AGBL1: variants seen among roughly 807,000 people sequenced by gnomAD.
AGBL1 encodes AGBL carboxypeptidase 1, also known as cytosolic carboxypeptidase 4.
In AGBL1, 130 loss-of-function variants were observed where a neutral mutation model predicts 118.9. That is an observed-to-expected ratio of 1.09 (90% confidence interval 0.95 to 1.26). The LOEUF is 1.26. Ranked by LOEUF, AGBL1 falls within the 50% of genes most tolerant of loss-of-function variation. The pLI, the probability that AGBL1 is intolerant of heterozygous loss-of-function variation, is 0.00. For synonymous variants in AGBL1, 555 were observed against 478.9 expected (o/e 1.16, Z -2.08); for missense variants, 1,584 against 1,298.1 (o/e 1.22, Z -3.38).
chr15:86,367,953 T>C (rs1237910086), intron 17 of AGBL1, among the ~76,000 whole-genome samples: 2 of 152,154 alleles, frequency 1.3e-5, no homozygotes, highest in Admixed American at 6.5e-5. Context: ...CTATTTCTGC[T>C]AAAACTAATA....
intron 17 of AGBL1, among the ~76,000 whole-genome samples, chr15:86,339,954 G>C (rs887487638): frequency 6.7e-6 from 1 of 150,230 alleles, no homozygotes; most frequent in Non-Finnish European, 1.5e-5. Context: ...GACAGGGCGG[G>C]ACTCCATCTC....
At chr15:86,602,023 A>G (rs2084502574) in intron 21 of AGBL1, among the ~76,000 whole-genome samples, 1 of 152,026 alleles carries the variant, frequency 6.6e-6, no homozygotes, top group African/African-American at 2.4e-5. Flanking sequence ...CTGTATCTTA[A>G]TTGTTCTCTC....
chr15:86,879,752 C>G (rs1401881812), intron 22 of AGBL1, among the ~76,000 whole-genome samples: 6 of 152,170 alleles, frequency 3.9e-5, no homozygotes, highest in Non-Finnish European at 8.8e-5. Context: ...CGAAACGGCT[C>G]TTTATTTAGC....
At chr15:86,516,499 G>A (rs1227181391) in intron 18 of AGBL1, among the ~76,000 whole-genome samples, 2 of 152,162 alleles carry the variant, frequency 1.3e-5, no homozygotes, top group African/African-American at 4.8e-5. Context: ...CAAGTGTTGT[G>A]TAGAAATGTG....
chr15:86,970,058 A>C (rs2081091543), intron 23 of AGBL1, among the ~76,000 whole-genome samples: 1 of 151,852 alleles, frequency 6.6e-6, no homozygotes, highest in Non-Finnish European at 1.5e-5. Flanking sequence ...AAATAAGACT[A>C]AAAGGTAAAG....
intron 22 of AGBL1, among the ~76,000 whole-genome samples, chr15:86,784,349 G>T (rs1201892349): frequency 1.3e-5 from 2 of 152,158 alleles, no homozygotes; most frequent in Non-Finnish European, 2.9e-5. Flanking sequence ...ATGAAAACAG[G>T]AGACGTGGTT....
chr15:86,267,114 T>C, intron 13 of AGBL1, 38 bp downstream of exon 13: 2 of 1,454,986 alleles, frequency 1.4e-6, no homozygotes, highest in Non-Finnish European at 1.9e-6. Context: ...CTCCTGTCAG[T>C]TCGTAAGAGC....
chr15:86,670,383 C>A (rs57582079), intron 21 of AGBL1, among the ~76,000 whole-genome samples: 1 of 151,218 alleles, frequency 6.6e-6, no homozygotes, highest in Non-Finnish European at 1.5e-5. Flanking sequence ...GCAGGCAGAT[C>A]ACCTGAGGTC....
intron 17 of AGBL1, among the ~76,000 whole-genome samples, chr15:86,373,808 A>G (rs1436036068): frequency 6.6e-6 from 1 of 152,240 alleles, no homozygotes; most frequent in Non-Finnish European, 1.5e-5. Flanking sequence ...CTTGAGCATA[A>G]TTAACATCTG....
rs528459706 is a variant in AGBL1 at position 86,639,805 on chromosome 15, A to T, written c.2995-34468A>T. 1.2e-4 allele frequency among the ~76,000 whole-genome samples: 18 copies of T among 152,330 alleles called. No individual in the cohort carries two copies. The East Asian group carries it at 1.9e-3, about 16-fold the overall frequency. On this transcript the variant is annotated intron_variant, in intron 21 of 22. Transcript: ENST00000614907. ...TCCTTAGCAGGCAAGGAAGGAGGAAAGCCGGGAAACCCATGTATATTAATA... is the reference window on the plus strand; with the variant it reads ...TCCTTAGCAGGCAAGGAAGGAGGAATGCCGGGAAACCCATGTATATTAATA...
intron 17 of AGBL1, among the ~76,000 whole-genome samples, chr15:86,336,777 C>G (rs541935020): frequency 2.0e-4 from 30 of 152,322 alleles, no homozygotes; most frequent in South Asian, 4.1e-4. Context: ...GGGGGCTTTT[C>G]ATAGCTCTGA....
At chr15:86,128,907 C>A (rs1288422843) in intron 1 of AGBL1, among the ~76,000 whole-genome samples, 1 of 152,200 alleles carries the variant, frequency 6.6e-6, no homozygotes, top group Non-Finnish European at 1.5e-5. Context: ...ACAACCGCAT[C>A]TCCAGTTCTT....
chr15:86,962,923 CA>C (rs2081007847), intron 23 of AGBL1, among the ~76,000 whole-genome samples: 1 of 152,060 alleles, frequency 6.6e-6, no homozygotes, highest in African/African-American at 2.4e-5. Context: ...TTATGAATAT[CA>C]CACATTTCTG....
chr15:86,477,329 T>C (rs1443864854), intron 18 of AGBL1, among the ~76,000 whole-genome samples: 3 of 151,998 alleles, frequency 2.0e-5, no homozygotes, highest in Admixed American at 6.6e-5. Context: ...ATTGATAGAC[T>C]GCTAGCAAGA....
At chr15:86,247,546 A>T in intron 6 of AGBL1, 125 bp from the exon 7 acceptor site, 1 of 1,077,530 alleles carries the variant, frequency 9.3e-7, no homozygotes, top group Admixed American at 2.0e-5. Flanking sequence ...GCCAGTTTTC[A>T]TACTAAAATG....
At chr15:86,436,599 G>A (rs1462992760) in intron 18 of AGBL1, among the ~76,000 whole-genome samples, 2 of 152,146 alleles carry the variant, frequency 1.3e-5, no homozygotes, top group Non-Finnish European at 2.9e-5. Context: ...TGTAAATAGA[G>A]TGACGAAGAC....
chr15:86,628,140 A>T (rs1249510923), intron 21 of AGBL1, among the ~76,000 whole-genome samples: 1 of 152,014 alleles, frequency 6.6e-6, no homozygotes, highest in Non-Finnish European at 1.5e-5. Context: ...CATCAAAATC[A>T]CCTGTGGGTT....
intron 2 of AGBL1, among the ~76,000 whole-genome samples, chr15:86,142,924 A>G (rs1425355822): frequency 6.6e-6 from 1 of 152,210 alleles, no homozygotes; most frequent in African/African-American, 2.4e-5. Context: ...GCTACTTTTC[A>G]TTAGGACAAA....
chr15:86,463,262 T>C (rs542737840), intron 18 of AGBL1, among the ~76,000 whole-genome samples: 1 of 152,204 alleles, frequency 6.6e-6, no homozygotes, highest in African/African-American at 2.4e-5. Flanking sequence ...GTTCATATCC[T>C]TTGCCCACAT....
Sources: gnomAD v4.1 joint callset for allele counts (sites outside exome capture counted in the v4.1 genomes callset) on GRCh38, gnomAD v4.1.1 for gene constraint, MANE v1.5 for transcripts, NCBI Gene and HGNC (gene_info 2026-07-23, HGNC 2026-07-21) for gene names.